Variants in SYN3 observed in about 807,000 individuals in gnomAD.
SYN3 encodes the protein synapsin III, also known as synapsin-3.
A neutral mutation model predicts 65.8 loss-of-function variants in SYN3; 35 were observed. That is an observed-to-expected ratio of 0.53 (90% CI 0.41 to 0.70). The LOEUF (loss-of-function observed/expected upper bound fraction) is 0.70, where lower values mean the gene tolerates loss of function less well. Ranked by LOEUF, SYN3 falls within the 30% of genes least tolerant of loss-of-function variation. The probability of loss-of-function intolerance (pLI) is 0.00; values close to 1 mark genes in which losing one functional copy is unlikely to be tolerated. For synonymous variants in SYN3, 270 were observed against 292.9 expected (o/e 0.92, Z 0.80); for missense variants, 680 against 749.0 (o/e 0.91, Z 1.08).
intron 10 of SYN3, 96 bp from the exon 11 acceptor site, chr22:32,529,104 G>C: frequency 7.4e-6 from 11 of 1,494,512 alleles, no homozygotes; most frequent in Non-Finnish European, 1.0e-5. Context: ...GCTCAGGACA[G>C]AAGTGACCAC....
At chr22:33,045,974 T>C in intron 1 of SYN3, among the ~76,000 whole-genome samples, 1 of 150,454 alleles carries the variant, frequency 6.6e-6, no homozygotes, top group Non-Finnish European at 1.5e-5. Context: ...ATATAAAGAA[T>C]GCTAAAAGCT....
At chr22:33,005,295 C>A (rs2053167666) in intron 2 of SYN3, among the ~76,000 whole-genome samples, 1 of 152,198 alleles carries the variant, frequency 6.6e-6, no homozygotes, top group South Asian at 2.1e-4. Flanking sequence ...AGTCCACTGT[C>A]AGACTTTTCT....
chr22:32,977,678 A>G (rs916937003), intron 3 of SYN3, among the ~76,000 whole-genome samples: 2 of 145,484 alleles, frequency 1.4e-5, no homozygotes, highest in Admixed American at 1.4e-4. Flanking sequence ...CGGGAGGCAG[A>G]GGTTGCAGTG....
chr22:33,006,787 G>C lies in SYN3; in HGVS notation c.-125C>G, dbSNP rs564594400. 1.1e-6 allele frequency: 1 copy of C among 917,038 alleles called. No homozygotes were observed. 56.8% of individuals were successfully genotyped at this position (917,038 alleles called of 1,614,324 possible). On this transcript the variant is annotated 5_prime_UTR_variant, in exon 2 of 14. Transcript: ENST00000358763. ...GCCAGAAGAGCCAGGGGGATTTTGC[G>C]CAACCAGCAGTCAGCTTTAGCTGCC...
chr22:32,567,071 C>T (rs534726044), intron 7 of SYN3, among the ~76,000 whole-genome samples: 20 of 152,038 alleles, frequency 1.3e-4, no homozygotes, highest in Non-Finnish European at 2.6e-4. Flanking sequence ...AAGAGAGCAG[C>T]AAAGTTCTGG....
chr22:32,797,400 G>T (rs546709298), intron 6 of SYN3, among the ~76,000 whole-genome samples: 36 of 152,322 alleles, frequency 2.4e-4, no homozygotes, highest in African/African-American at 7.0e-4. Flanking sequence ...TGTCAAAGAA[G>T]TTGATACAGG....
chr22:32,883,541 A>C (rs1477214423), intron 4 of SYN3, among the ~76,000 whole-genome samples: 1 of 152,226 alleles, frequency 6.6e-6, no homozygotes, highest in Non-Finnish European at 1.5e-5. Context: ...TCTCAAAACT[A>C]GTTCTTCCTC....
chr22:32,569,256 A>AATCTATCTATCTATCTGTCTGTCTGTCT (rs2058713461), intron 7 of SYN3, among the ~76,000 whole-genome samples: 8 of 140,990 alleles, frequency 5.7e-5, no homozygotes, highest in African/African-American at 2.1e-4. Context: ...ATGCATCCAA[A>AATCTATCTATCTATCTGTCTGTCTGTCT]ATCTATCTAT....
At chr22:32,758,439 C>T (rs961526921) in intron 6 of SYN3, among the ~76,000 whole-genome samples, 2 of 151,536 alleles carry the variant, frequency 1.3e-5, no homozygotes, top group Non-Finnish European at 2.9e-5. Context: ...CACCCTTAAT[C>T]TGGTGGGCAC....
chr22:32,786,817 C>T (rs1219684468), intron 6 of SYN3, among the ~76,000 whole-genome samples: 2 of 151,932 alleles, frequency 1.3e-5, no homozygotes, highest in African/African-American at 4.8e-5. Flanking sequence ...TTCAAAAGCT[C>T]ATGGTGGGAA....
chr22:32,548,890 T>C (rs997803181), intron 7 of SYN3, among the ~76,000 whole-genome samples: 14 of 152,152 alleles, frequency 9.2e-5, no homozygotes, highest in Non-Finnish European at 4.4e-5. Context: ...CTGTCAACAA[T>C]TGGGCCATGT....
At position 32,988,322 on chromosome 22, in the gene SYN3, T is replaced by TAATAATAATAAA. The variant is rs1556084980; in HGVS notation, c.312-7621_312-7620insTTTATTATTATT. ...CTCTGTCTCAAAATAATAATAATAA[T>TAATAATAATAAA]AATAATAATAATAATAATAATAATA... On this transcript the variant is annotated intron_variant, in intron 2 of 13. Coordinates refer to ENST00000358763, the MANE Select transcript of SYN3 (RefSeq NM_003490.4). Among the ~76,000 whole-genome samples the TAATAATAATAAA allele has an allele frequency of 3.4e-5, 5 of 145,362 alleles. No homozygotes were observed. In the East Asian group the frequency reaches 1.0e-3, roughly 30 times the overall value.
In SYN3 at chr22:32,509,572, TA is replaced by T. The variant is rs1444345122; in HGVS notation, c.*4119del. 2.0e-5 allele frequency among the ~76,000 whole-genome samples: 3 copies of T among 151,886 alleles called. No individual in the cohort carries two copies. The highest frequency in any genetic ancestry group is 4.4e-5 in the Non-Finnish European group (3 of 67,980). ...CCAATGGGGAAAGTATTATTATTATTATTATTATTATTTTGAGACAGAGTCT... is the reference window on the plus strand; with the variant it reads ...CCAATGGGGAAAGTATTATTATTATTTTATTATTATTTTGAGACAGAGTCT... On this transcript the variant is annotated 3_prime_UTR_variant, in exon 14 of 14. Transcript: ENST00000358763.
chr22:32,892,903 T>G (rs1251113907), intron 4 of SYN3, among the ~76,000 whole-genome samples: 1 of 151,872 alleles, frequency 6.6e-6, no homozygotes, highest in Non-Finnish European at 1.5e-5. Flanking sequence ...AGAAGTGAAT[T>G]TAAGGGAAAA....
chr22:32,955,276 C>A (rs1259400681), intron 3 of SYN3, among the ~76,000 whole-genome samples: 1 of 152,026 alleles, frequency 6.6e-6, no homozygotes. Context: ...GAAAGGCCAG[C>A]GGGTTCAGCA....
chr22:32,686,516 A>C (rs1308661904), intron 6 of SYN3, among the ~76,000 whole-genome samples: 1 of 150,964 alleles, frequency 6.6e-6, no homozygotes, highest in Non-Finnish European at 1.5e-5. Flanking sequence ...CACCCATTTG[A>C]AATGCCTGCT....
intron 6 of SYN3, among the ~76,000 whole-genome samples, chr22:32,683,344 T>TA (rs1687475038): frequency 6.6e-6 from 1 of 152,086 alleles, no homozygotes; most frequent in Non-Finnish European, 1.5e-5. Context: ...CCCTCCTCCT[T>TA]AGAACTCTCT....
intron 2 of SYN3, among the ~76,000 whole-genome samples, chr22:32,990,328 CCATCCAT>C (rs2052665172): frequency 6.6e-6 from 1 of 151,456 alleles, no homozygotes; most frequent in South Asian, 2.1e-4. Flanking sequence ...ATCCATCCAT[CCATCCAT>C]CCATCCATCC....
At chr22:32,552,643 G>C (rs9621486) in intron 7 of SYN3, among the ~76,000 whole-genome samples, 3 of 152,090 alleles carry the variant, frequency 2.0e-5, no homozygotes, top group Admixed American at 6.6e-5. Context: ...GTCTGTTGAA[G>C]AAAAGAAACT....
Sources: gnomAD v4.1 joint callset for allele counts (sites outside exome capture counted in the v4.1 genomes callset) on GRCh38, gnomAD v4.1.1 for gene constraint, MANE v1.5 for transcripts, NCBI Gene and HGNC (gene_info 2026-07-23, HGNC 2026-07-21) for gene names.